ILDR1: variants seen among roughly 807,000 people sequenced by gnomAD.
ILDR1 encodes the protein immunoglobulin like domain containing receptor 1.
ILDR1 carries 56 observed loss-of-function variants against 62.4 expected under a neutral mutation model. The observed-to-expected ratio is 0.90, with a 90% CI of 0.72 to 1.12. ILDR1 has a LOEUF of 1.12. Among genes scored for constraint, ILDR1 ranks in the 50% most tolerant of loss-of-function variants. The pLI is 0.00. For synonymous variants in ILDR1, 284 were observed against 277.8 expected, an observed-to-expected ratio of 1.02 and a Z score of -0.22; for missense variants, 736 against 710.6, an observed-to-expected ratio of 1.04 and a Z score of -0.41.
the ILDR1 span, among the ~76,000 whole-genome samples, chr3:122,051,537 C>T: frequency 6.6e-6 from 1 of 152,062 alleles, no homozygotes; most frequent in African/African-American, 2.4e-5. Flanking sequence ...GCATCACTTT[C>T]CTGAACTCAT....
In ILDR1 at chr3:122,007,140, G is replaced by T. The variant is rs145984650; in HGVS notation, c.80C>A (p.Thr27Lys). The T allele has an allele frequency of 1.2e-6, 2 of 1,614,046 alleles. No homozygotes were observed. The highest frequency in any genetic ancestry group is 1.7e-6 in the Non-Finnish European group (2 of 1,180,032). Residue 27 changes from threonine to lysine, a missense_variant, in exon 2 of 8, where the codon ACG (threonine) becomes AAG (lysine). Physicochemically the swap from Thr to Lys is moderately conservative, Grantham distance 78. Transcript: ENST00000344209. ...GACATAGCGTTCTGTGTGCTGGACC[G>T]TCACAAGCAAGGACAGGCACCCTAA... Reference protein sequence around the residue: ...LPAGCLSLLVTVQHTERYVTL... With the variant: ...LPAGCLSLLVKVQHTERYVTL...
At chr3:122,024,944 C>T (rs539226901), upstream of ILDR1, among the ~76,000 whole-genome samples, 2 of 152,316 alleles carry the variant, frequency 1.3e-5, no homozygotes, top group South Asian at 4.1e-4. Flanking sequence ...TTCAGCTCTA[C>T]ATAAGGGAAA....
chr3:122,013,621 G>A (rs1163451970), intron 1 of ILDR1, among the ~76,000 whole-genome samples: 1 of 152,112 alleles, frequency 6.6e-6, no homozygotes, highest in African/African-American at 2.4e-5. Flanking sequence ...GAATCAAGGA[G>A]AAGAGGGACT....
chr3:121,994,168 C>A lies in ILDR1; in HGVS notation c.778+14G>T. 6.5e-7 allele frequency: 1 copy of A among 1,535,988 alleles called. No homozygotes were observed. Among genetic ancestry groups the A allele is most frequent in the South Asian group, 1.2e-5 (1 of 83,992 alleles). On this transcript the variant is annotated intron_variant, in intron 6 of 7. Transcript: ENST00000344209. ...CTCTGCCCTCCCCTATCCCAAATCT[C>A]TGGAAGAGTTTACCTCGCTGCAGCA... is the stretch of plus-strand genomic sequence containing the variant.
chr3:121,994,746 G>A (rs966793705), intron 5 of ILDR1, among the ~76,000 whole-genome samples: 5 of 152,236 alleles, frequency 3.3e-5, no homozygotes, highest in African/African-American at 1.2e-4. Flanking sequence ...CAGGGGCTGG[G>A]GGCATCTGCT....
the ILDR1 span, among the ~76,000 whole-genome samples, chr3:122,040,760 C>G: frequency 2.1e-5 from 3 of 145,300 alleles, no homozygotes; most frequent in Admixed American, 6.8e-5. Flanking sequence ...CAAGAATTAG[C>G]TCAAAATGGG....
chr3:122,052,828 C>T, the ILDR1 span, among the ~76,000 whole-genome samples: 1 of 152,192 alleles, frequency 6.6e-6, no homozygotes, highest in Non-Finnish European at 1.5e-5. Flanking sequence ...CTTGGCCTCC[C>T]AAAGTGCTGG....
intron 6 of ILDR1, 82 bp downstream of exon 6, chr3:121,994,100 C>T (rs958423671): frequency 2.7e-5 from 41 of 1,514,744 alleles, no homozygotes; most frequent in East Asian, 4.9e-5. Flanking sequence ...CCTGCCGCAT[C>T]GGTCACAGAG....
Position 122,005,262 on chromosome 3 carries a change from T to G in ILDR1, c.361A>C (p.Lys121Gln). 1 of 1,613,250 alleles carries G rather than the reference T, an allele frequency of 6.2e-7. No individual in the cohort carries two copies. Among genetic ancestry groups the G allele is most frequent in the East Asian group, 2.2e-5 (1 of 44,860 alleles). Reference protein sequence around the residue: ...PVLGVDYRQRKITIQNRADLV... With the variant: ...PVLGVDYRQRQITIQNRADLV... ...CACTCACGGTTCTGGATGGTGATCTTGCGCTGCCGGTAATCTACCCCCAGC... is the reference window on the plus strand; with the variant it reads ...CACTCACGGTTCTGGATGGTGATCTGGCGCTGCCGGTAATCTACCCCCAGC... Residue 121 changes from lysine (K) to glutamine (Q), a missense_variant, in exon 3 of 8, where the codon AAG becomes CAG. Physicochemically the swap from Lys to Gln is moderately conservative, Grantham distance 53. Transcript: ENST00000344209.
At chr3:122,029,867 T>C in the ILDR1 span, among the ~76,000 whole-genome samples, 6 of 152,214 alleles carry the variant, frequency 3.9e-5, no homozygotes, top group Non-Finnish European at 5.9e-5. Flanking sequence ...ATAAATCACT[T>C]TTGTTCAAGT....
intron 6 of ILDR1, 72 bp downstream of exon 6, chr3:121,994,110 G>A (rs924021389): frequency 6.6e-7 from 1 of 1,522,584 alleles, no homozygotes; most frequent in Non-Finnish European, 8.8e-7. Context: ...CGGTCACAGA[G>A]GTCTTGATGT....
At position 122,005,263 on chromosome 3, in the gene ILDR1, G is replaced by A; in HGVS notation, c.360C>T (p.Arg120=). The A allele has an allele frequency of 7.4e-7, 1 of 1,356,430 alleles. No individual in the cohort carries two copies. Among genetic ancestry groups the A allele is most frequent in the Non-Finnish European group, 9.9e-7 (1 of 1,011,022 alleles). The allele number at this position is 1,356,430 out of a possible 1,614,324, so 84.0% of individuals were successfully genotyped here. A position where few individuals can be genotyped will look rare whatever the true frequency, so the allele number is the denominator to read the frequency against. ...EPVLGVDYRQ[R]KITIQNRADL... is the part of the protein sequence containing the mutation. The stretch of plus-strand genomic sequence containing the variant: ...ACTCACGGTTCTGGATGGTGATCTT[G>A]CGCTGCCGGTAATCTACCCCCAGCA... Residue 120 remains arginine, a synonymous_variant, in exon 3 of 8, where the codon CGC becomes CGT. Coordinates refer to ENST00000344209, the MANE Select transcript of ILDR1 (RefSeq NM_001199799.2).
intron 3 of ILDR1, among the ~76,000 whole-genome samples, chr3:122,002,595 A>T (rs989632867): frequency 2.0e-5 from 3 of 152,112 alleles, no homozygotes; most frequent in African/African-American, 7.2e-5. Flanking sequence ...TGAATGGTTT[A>T]TATATATATT....
the ILDR1 span, among the ~76,000 whole-genome samples, chr3:122,043,296 A>C: frequency 2.0e-4 from 30 of 151,752 alleles, no homozygotes; most frequent in African/African-American, 7.3e-4. Flanking sequence ...GGTACCAGTA[A>C]CATGCTGTTT....
chr3:122,039,274 A>C, the ILDR1 span, among the ~76,000 whole-genome samples: 1 of 152,138 alleles, frequency 6.6e-6, no homozygotes, highest in Admixed American at 6.5e-5. Flanking sequence ...AGGAAGTATA[A>C]ATACCAAAAA....
At chr3:122,044,538 A>G in the ILDR1 span, among the ~76,000 whole-genome samples, 5 of 150,522 alleles carry the variant, frequency 3.3e-5, no homozygotes, top group Admixed American at 1.3e-4. Context: ...CTGTGAATCC[A>G]TCTGGTCCTG....
At chr3:122,029,511 A>AAAAT in the ILDR1 span, among the ~76,000 whole-genome samples, 441 of 139,486 alleles carry the variant, frequency 3.2e-3, 1 homozygote, top group Middle Eastern at 0.011. Flanking sequence ...GTCTAAAAAA[A>AAAAT]ATATATATAT....
chr3:122,045,629 T>C, the ILDR1 span, among the ~76,000 whole-genome samples: 4 of 151,634 alleles, frequency 2.6e-5, no homozygotes, highest in Admixed American at 6.6e-5. Context: ...ATATTTAGGA[T>C]AGTTAGCTCC....
At chr3:122,012,954 A>T (rs962875527) in intron 1 of ILDR1, among the ~76,000 whole-genome samples, 2 of 152,158 alleles carry the variant, frequency 1.3e-5, no homozygotes, top group Non-Finnish European at 2.9e-5. Flanking sequence ...AGGGAAGGAG[A>T]CCTGTCACAT....
Sources: allele counts gnomAD v4.1 joint callset (sites outside exome capture counted in the v4.1 genomes callset), GRCh38; gene constraint gnomAD v4.1.1; transcripts MANE v1.5; gene names NCBI Gene and HGNC (gene_info 2026-07-23, HGNC 2026-07-21).